GPC5: variants seen among roughly 807,000 people sequenced by gnomAD.
GPC5 encodes the protein glypican 5, also known as glypican-5.
GPC5 carries 47 observed loss-of-function variants against 53.9 expected under a neutral mutation model. The ratio of observed to expected loss-of-function variants is 0.87; its 90% CI spans 0.69 to 1.11. The LOEUF is 1.11. Ranked by LOEUF, GPC5 falls within the 50% of genes most tolerant of loss-of-function variation. The pLI is 0.00. For synonymous variants in GPC5, 286 were observed against 263.3 expected, an observed-to-expected ratio of 1.09 and a Z score of -0.84; for missense variants, 748 against 713.1, an observed-to-expected ratio of 1.05 and a Z score of -0.56.
At chr13:92,669,203 G>A (rs979134371) in intron 7 of GPC5, among the ~76,000 whole-genome samples, 3 of 151,982 alleles carry the variant, frequency 2.0e-5, no homozygotes, top group East Asian at 1.9e-4. Context: ...CAAGAACTCC[G>A]CTAAGCTGTT....
chr13:91,438,970 A>G (rs911740547), intron 1 of GPC5, among the ~76,000 whole-genome samples: 4 of 152,190 alleles, frequency 2.6e-5, no homozygotes, highest in Non-Finnish European at 2.9e-5. Context: ...CAGGTGCGGG[A>G]TATAATCTCC....
chr13:92,693,312 G>C (rs757428941), intron 7 of GPC5, among the ~76,000 whole-genome samples: 3 of 152,210 alleles, frequency 2.0e-5, no homozygotes, highest in Non-Finnish European at 2.9e-5. Context: ...GTAATGGACA[G>C]AGGTTGGAAC....
chr13:92,460,444 G>A (rs1317322266), intron 7 of GPC5, among the ~76,000 whole-genome samples: 3 of 151,482 alleles, frequency 2.0e-5, no homozygotes, highest in Non-Finnish European at 4.4e-5. Context: ...TTTTCTTTCT[G>A]CAAGGAAAAG....
At chr13:92,568,338 G>A (rs1186327653) in intron 7 of GPC5, among the ~76,000 whole-genome samples, 1 of 152,116 alleles carries the variant, frequency 6.6e-6, no homozygotes, top group Admixed American at 6.6e-5. Flanking sequence ...ATACTTAGCT[G>A]AGAATGGAAT....
chr13:92,094,595 A>C (rs1163996694), intron 6 of GPC5, among the ~76,000 whole-genome samples: 1 of 151,580 alleles, frequency 6.6e-6, no homozygotes, highest in Non-Finnish European at 1.5e-5. Context: ...AGAAAATCTA[A>C]ATTGACTCCC....
intron 7 of GPC5, among the ~76,000 whole-genome samples, chr13:92,274,252 T>C (rs972086003): frequency 1.3e-5 from 2 of 152,150 alleles, no homozygotes; most frequent in African/African-American, 4.8e-5. Flanking sequence ...TAATTTTTCA[T>C]CTTCTTTATC....
intron 5 of GPC5, among the ~76,000 whole-genome samples, chr13:91,803,859 A>G (rs1431207111): frequency 6.6e-6 from 1 of 152,080 alleles, no homozygotes; most frequent in Non-Finnish European, 1.5e-5. Flanking sequence ...AAATGCAGAA[A>G]AATAGAGAGA....
At chr13:91,864,930 A>G (rs2039067890) in intron 5 of GPC5, among the ~76,000 whole-genome samples, 2 of 147,888 alleles carry the variant, frequency 1.4e-5, no homozygotes, top group Admixed American at 1.4e-4. Flanking sequence ...TTTGAGACAG[A>G]GTCTTGCTCT....
intron 7 of GPC5, among the ~76,000 whole-genome samples, chr13:92,501,461 A>C (rs1318180655): frequency 6.6e-6 from 1 of 152,174 alleles, no homozygotes; most frequent in East Asian, 1.9e-4. Flanking sequence ...ATAGTTCCTA[A>C]GGTTTATGAT....
At chr13:92,306,771 C>T (rs565625657) in intron 7 of GPC5, among the ~76,000 whole-genome samples, 1 of 152,294 alleles carries the variant, frequency 6.6e-6, no homozygotes, top group East Asian at 1.9e-4. Context: ...CTGTGCATCT[C>T]CTGTGCTCCT....
intron 7 of GPC5, among the ~76,000 whole-genome samples, chr13:92,712,956 CTTGATTT>C (rs1888190606): frequency 1.3e-5 from 2 of 151,900 alleles, no homozygotes; most frequent in African/African-American, 4.8e-5. Flanking sequence ...CTGCCAATAC[CTTGATTT>C]TAGATTTCCA....
chr13:92,491,510 G>T (rs912682781), intron 7 of GPC5, among the ~76,000 whole-genome samples: 3 of 152,092 alleles, frequency 2.0e-5, no homozygotes, highest in Non-Finnish European at 2.9e-5. Flanking sequence ...GTAAAGCAAA[G>T]ATTTTCTCAA....
intron 7 of GPC5, among the ~76,000 whole-genome samples, chr13:92,751,321 A>AC (rs1161937932): frequency 6.8e-6 from 1 of 148,072 alleles, no homozygotes; most frequent in African/African-American, 2.5e-5. Context: ...AAAAAAAAAA[A>AC]AAAAAAAAAA....
At chr13:91,972,413 T>C (rs1430468442) in intron 6 of GPC5, among the ~76,000 whole-genome samples, 8 of 152,002 alleles carry the variant, frequency 5.3e-5, no homozygotes, top group Admixed American at 5.2e-4. Context: ...GTCTTGACTC[T>C]TTATCCAATT....
At position 92,782,391 on chromosome 13, in the gene GPC5, G is replaced by A. The variant is rs140296725; in HGVS notation, c.1562-83891G>A. ...TAGGCAAACAAGGTCACTGCAGCCCGTGCTAAGTTCTAGGAGAACGTAGAG... is the reference window on the plus strand; with the variant it reads ...TAGGCAAACAAGGTCACTGCAGCCCATGCTAAGTTCTAGGAGAACGTAGAG... On this transcript the variant is annotated intron_variant, in intron 7 of 7. Coordinates refer to ENST00000377067, the MANE Select transcript of GPC5 (RefSeq NM_004466.6). Among the ~76,000 whole-genome samples the A allele has an allele frequency of 2.0e-4, 31 of 152,198 alleles. 3 individuals carry two copies. Among genetic ancestry groups the A allele is most frequent in the African/African-American group, 4.8e-4 (20 of 41,516 alleles).
chr13:91,529,641 G>A (rs909919610), intron 2 of GPC5, among the ~76,000 whole-genome samples: 3 of 152,176 alleles, frequency 2.0e-5, no homozygotes, highest in Non-Finnish European at 4.4e-5. Context: ...CATTGTTAGC[G>A]TTATAGATAG....
At chr13:92,636,874 T>C (rs547171091) in intron 7 of GPC5, among the ~76,000 whole-genome samples, 27 of 152,176 alleles carry the variant, frequency 1.8e-4, no homozygotes, top group Non-Finnish European at 3.8e-4. Flanking sequence ...TTATCCTTCT[T>C]CCATGCTCAA....
At chr13:92,554,107 A>G (rs1284442216) in intron 7 of GPC5, among the ~76,000 whole-genome samples, 1 of 152,012 alleles carries the variant, frequency 6.6e-6, no homozygotes, top group Non-Finnish European at 1.5e-5. Flanking sequence ...TGGTTCAATA[A>G]GGGGCAGAGT....
At chr13:92,494,771 G>A (rs1197859997) in intron 7 of GPC5, among the ~76,000 whole-genome samples, 11 of 152,186 alleles carry the variant, frequency 7.2e-5, no homozygotes, top group South Asian at 2.1e-4. Context: ...AATTGTGTGC[G>A]CATTTACCAA....
Sources: allele counts gnomAD v4.1 joint callset (sites outside exome capture counted in the v4.1 genomes callset), GRCh38; gene constraint gnomAD v4.1.1; transcripts MANE v1.5; gene names NCBI Gene and HGNC (gene_info 2026-07-23, HGNC 2026-07-21).